MAGT1: variants seen among roughly 807,000 people sequenced by gnomAD.
The protein encoded by MAGT1 is dolichyl-diphosphooligosaccharide--protein glycosyltransferase subunit MAGT1.
A neutral mutation model predicts 28.4 loss-of-function variants in MAGT1; 4 were observed. The ratio of observed to expected loss-of-function variants is 0.14; its 90% CI spans 0.07 to 0.32. The LOEUF (loss-of-function observed/expected upper bound fraction) is 0.32, where lower values mean the gene tolerates loss of function less well. Ranked by LOEUF, MAGT1 falls within the 10% of genes least tolerant of loss-of-function variation. The pLI is 1.00. For synonymous variants in MAGT1, 89 were observed against 89.7 expected, an observed-to-expected ratio of 0.99 and a Z score of 0.04; for missense variants, 193 against 264.5, an observed-to-expected ratio of 0.73 and a Z score of 1.88.
chrX:77,837,589 G>A (rs1015668996), intron 8 of MAGT1, among the ~76,000 whole-genome samples: 2 of 110,555 alleles, frequency 1.8e-5, no homozygotes, highest in African/African-American at 6.6e-5. Flanking sequence ...CTACAAGTGC[G>A]TTGTACCACA....
chrX:77,840,518 G>GA (rs1207039730), intron 8 of MAGT1, among the ~76,000 whole-genome samples: 3 of 110,635 alleles, frequency 2.7e-5, no homozygotes, highest in African/African-American at 3.3e-5. Context: ...ACTAAACATT[G>GA]AAAAAAATCG....
At chrX:77,829,534 C>T (rs1313876346) in intron 9 of MAGT1, among the ~76,000 whole-genome samples, 2 of 110,125 alleles carry the variant, frequency 1.8e-5, no homozygotes, top group Non-Finnish European at 3.8e-5. Flanking sequence ...TGGTCTGGGA[C>T]TCCCACGCTC....
intron 2 of MAGT1, among the ~76,000 whole-genome samples, chrX:77,874,915 C>T (rs184971793): frequency 3.7e-5 from 4 of 107,226 alleles, no homozygotes; most frequent in East Asian, 5.9e-4. Context: ...AGTGCAGTGG[C>T]GCAAGCTTGG....
At chrX:77,855,714 T>A in intron 5 of MAGT1, 124 bp from the exon 6 acceptor site, 1 of 462,907 alleles carries the variant, frequency 2.2e-6, no homozygotes, top group Non-Finnish European at 3.7e-6. Context: ...ATAAATGATT[T>A]ATTAAGGCTT....
chrX:77,890,465 T>C (rs1307788260), intron 1 of MAGT1, among the ~76,000 whole-genome samples: 1 of 111,990 alleles, frequency 8.9e-6, no homozygotes, highest in African/African-American at 3.2e-5. Context: ...CTTTCCTTAG[T>C]TTTTAATTTT....
At chrX:77,876,686 T>C (rs2077035793) in intron 1 of MAGT1, among the ~76,000 whole-genome samples, 1 of 111,712 alleles carries the variant, frequency 9.0e-6, no homozygotes, top group Admixed American at 9.6e-5. Flanking sequence ...CAATTGGTCA[T>C]CCATAGCCAA....
At chrX:77,839,180 T>C (rs1359265370) in intron 8 of MAGT1, among the ~76,000 whole-genome samples, 1 of 105,785 alleles carries the variant, frequency 9.5e-6, no homozygotes, top group Non-Finnish European at 1.9e-5. Context: ...GGCGGGTGCC[T>C]GTAGTCCTAG....
intron 1 of MAGT1, among the ~76,000 whole-genome samples, chrX:77,880,651 A>G (rs1479365989): frequency 1.8e-5 from 2 of 109,262 alleles, no homozygotes; most frequent in Admixed American, 9.9e-5. Flanking sequence ...AAAGATATAC[A>G]CTCTTGAAAG....
chrX:77,887,990 A>G (rs1003326650), intron 1 of MAGT1, among the ~76,000 whole-genome samples: 1 of 111,017 alleles, frequency 9.0e-6, no homozygotes, highest in Admixed American at 9.7e-5. Context: ...TTGTACTTTT[A>G]GTAGAGACAG....
chrX:77,850,259 T>C (rs1265443735), intron 7 of MAGT1, among the ~76,000 whole-genome samples: 1 of 110,206 alleles, frequency 9.1e-6, no homozygotes, highest in Admixed American at 9.8e-5. Flanking sequence ...GTGGATCACC[T>C]GAGGTCAGGA....
chrX:77,888,991 T>C (rs1557219210), intron 1 of MAGT1, among the ~76,000 whole-genome samples: 7 of 108,968 alleles, frequency 6.4e-5, no homozygotes, highest in Non-Finnish European at 1.3e-4. Context: ...TTATTATTAT[T>C]TTGGGACAGG....
intron 2 of MAGT1, among the ~76,000 whole-genome samples, chrX:77,873,989 T>G (rs781817894): frequency 1.4e-3 from 149 of 109,032 alleles, no homozygotes; most frequent in East Asian, 3.8e-3. Flanking sequence ...CATCTTTTTT[T>G]TTTGTTTGTT....
intron 3 of MAGT1, 30 bp from the exon 4 acceptor site, chrX:77,857,527 A>G (rs914077550): frequency 8.3e-7 from 1 of 1,197,790 alleles, no homozygotes; most frequent in Middle Eastern, 2.3e-4. Context: ...GAAAATATAC[A>G]TTATCAGGAA....
intron 3 of MAGT1, among the ~76,000 whole-genome samples, chrX:77,860,134 G>A (rs941661915): frequency 1.8e-5 from 2 of 111,694 alleles, no homozygotes; most frequent in Admixed American, 1.9e-4. Flanking sequence ...GTCCAGGCTG[G>A]AGTGCGTTGG....
intron 2 of MAGT1, among the ~76,000 whole-genome samples, chrX:77,873,026 T>A (rs900120856): frequency 4.5e-5 from 5 of 112,247 alleles, no homozygotes; most frequent in African/African-American, 1.6e-4. Flanking sequence ...TAATTTGCAT[T>A]TAATAGAGAA....
chrX:77,894,954 C>A (rs1279741921), intron 1 of MAGT1, among the ~76,000 whole-genome samples: 2 of 111,545 alleles, frequency 1.8e-5, no homozygotes, highest in African/African-American at 6.5e-5. Flanking sequence ...GGAGTTACAT[C>A]GGCCAGCAGT....
chrX:77,856,176 C>T (rs782106481), intron 5 of MAGT1, among the ~76,000 whole-genome samples: 1 of 111,151 alleles, frequency 9.0e-6, no homozygotes, highest in Non-Finnish European at 1.9e-5. Flanking sequence ...TGGCTCATAC[C>T]TGTAACCCCA....
intron 7 of MAGT1, among the ~76,000 whole-genome samples, chrX:77,852,070 T>A (rs2076970012): frequency 9.2e-6 from 1 of 108,592 alleles, no homozygotes; most frequent in African/African-American, 3.4e-5. Flanking sequence ...AGCTAATTTT[T>A]TTTTGTATTT....
chrX:77,895,556 G>A (rs368988298), upstream of MAGT1: 3 of 1,066,648 alleles, frequency 2.8e-6, no homozygotes, highest in African/African-American at 3.7e-5. Flanking sequence ...GTCACAGCGC[G>A]CTGGCGCTAC....
Sources: allele counts gnomAD v4.1 joint callset (sites outside exome capture counted in the v4.1 genomes callset), GRCh38; gene constraint gnomAD v4.1.1; transcripts MANE v1.5; gene names NCBI Gene and HGNC (gene_info 2026-07-23, HGNC 2026-07-21).